SCAF4: variants seen among roughly 807,000 people sequenced by gnomAD.
The protein encoded by SCAF4 is SR-related and CTD-associated factor 4.
A neutral mutation model predicts 129.8 loss-of-function variants in SCAF4; 25 were observed. The ratio of observed to expected loss-of-function variants is 0.19; its 90% confidence interval spans 0.14 to 0.27. The LOEUF (loss-of-function observed/expected upper bound fraction) is 0.27, where lower values mean the gene tolerates loss of function less well. SCAF4 is among the 10% of genes least tolerant of loss of function. SCAF4 has a pLI of 1.00. For synonymous variants in SCAF4, 551 were observed against 497.7 expected (o/e 1.11, Z -1.43); for missense variants, 1,246 against 1,457.1 (o/e 0.86, Z 2.36).
At chr21:31,673,842 C>T (rs561256054) in intron 19 of SCAF4, among the ~76,000 whole-genome samples, 166 of 152,290 alleles carry the variant, frequency 1.1e-3, no homozygotes, top group African/African-American at 3.9e-3. Flanking sequence ...ACTTTACTTT[C>T]CCATTACCTT....
intron 7 of SCAF4, among the ~76,000 whole-genome samples, chr21:31,697,562 G>A (rs1380062222): frequency 1.3e-5 from 2 of 152,142 alleles, no homozygotes; most frequent in African/African-American, 2.4e-5. Context: ...ATCAGGATGC[G>A]GACACTAGTC....
intron 1 of SCAF4, among the ~76,000 whole-genome samples, chr21:31,708,162 C>T (rs556084793): frequency 2.0e-5 from 3 of 152,054 alleles, no homozygotes; most frequent in Non-Finnish European, 2.9e-5. Context: ...CCTAGGTGGG[C>T]GGTTCACCTG....
At chr21:31,692,788 T>A (rs2050290529) in intron 12 of SCAF4, among the ~76,000 whole-genome samples, 1 of 152,186 alleles carries the variant, frequency 6.6e-6, no homozygotes, top group Non-Finnish European at 1.5e-5. Flanking sequence ...GGAGCTCAAG[T>A]CTCTTGATTA....
intron 1 of SCAF4, among the ~76,000 whole-genome samples, chr21:31,715,867 C>T (rs987276928): frequency 2.0e-5 from 3 of 152,176 alleles, no homozygotes; most frequent in Non-Finnish European, 4.4e-5. Context: ...CAATCATATA[C>T]AATACCTTTC....
At chr21:31,710,570 C>G (rs2050776486) in intron 1 of SCAF4, among the ~76,000 whole-genome samples, 1 of 151,860 alleles carries the variant, frequency 6.6e-6, no homozygotes, top group Admixed American at 6.6e-5. Context: ...AACAAACAAA[C>G]AAAAAAACCA....
rs560427432 is a variant in SCAF4, at chr21:31,680,449, A to G, written c.2488+4600T>C. Among the ~76,000 whole-genome samples, 28 of 152,346 alleles carry G rather than the reference A, an allele frequency of 1.8e-4. No homozygotes were observed. The East Asian group carries it at 5.4e-3, about 29-fold the overall frequency. ...CATTTCTACTATATAACACTAGTGG[A>G]ATAACATTAATACAATAATTAGAGT... On this transcript the variant is annotated intron_variant, in intron 19 of 19. Transcript: ENST00000286835.
In SCAF4 at chr21:31,687,160, C is replaced by T. The variant is rs186169359; in HGVS notation, c.2043+1147G>A. On this transcript the variant is annotated intron_variant, in intron 16 of 19. Transcript: ENST00000286835. ...CACTTTCATGATAGCTCAGATTTAT[C>T]TGATTCAGATTTAATGTGAGAAACT... is the stretch of plus-strand genomic sequence containing the variant. Among the ~76,000 whole-genome samples the T allele has an allele frequency of 4.9e-3, 745 of 152,270 alleles. 7 individuals carry two copies. The highest frequency in any genetic ancestry group is 0.017 in the African/African-American group (702 of 41,538).
At chr21:31,695,702 A>T (rs112892298) in intron 9 of SCAF4, among the ~76,000 whole-genome samples, 1 of 152,082 alleles carries the variant, frequency 6.6e-6, no homozygotes, top group Admixed American at 6.5e-5. Flanking sequence ...ACTTCCTGCA[A>T]CTCTCCAGTG....
intron 12 of SCAF4, among the ~76,000 whole-genome samples, chr21:31,692,957 A>T (rs2050294786): frequency 6.6e-6 from 1 of 152,224 alleles, no homozygotes. Context: ...AATCTTAGTC[A>T]TCTTAATAGT....
intron 19 of SCAF4, among the ~76,000 whole-genome samples, chr21:31,673,013 G>A (rs2049750983): frequency 1.3e-5 from 2 of 152,176 alleles, no homozygotes; most frequent in African/African-American, 2.4e-5. Flanking sequence ...TTTAACTTGC[G>A]AGGCCATCAC....
At chr21:31,681,688 A>G (rs1418415289) in intron 19 of SCAF4, among the ~76,000 whole-genome samples, 1 of 152,140 alleles carries the variant, frequency 6.6e-6, no homozygotes, top group African/African-American at 2.4e-5. Context: ...GTAATTTTAT[A>G]TTTTCAGATT....
intron 16 of SCAF4, among the ~76,000 whole-genome samples, chr21:31,687,587 GT>G (rs1464692628): frequency 2.0e-4 from 30 of 152,120 alleles, no homozygotes; most frequent in Non-Finnish European, 3.7e-4. Flanking sequence ...TTATTATGAA[GT>G]TTTCAATCCA....
chr21:31,709,707 T>C (rs577500128), intron 1 of SCAF4, among the ~76,000 whole-genome samples: 1 of 152,298 alleles, frequency 6.6e-6, no homozygotes, highest in South Asian at 2.1e-4. Context: ...TATTACTACA[T>C]TCCATAAAAA....
chr21:31,721,539 T>C (rs1471732162), intron 1 of SCAF4, among the ~76,000 whole-genome samples: 1 of 152,152 alleles, frequency 6.6e-6, no homozygotes, highest in Non-Finnish European at 1.5e-5. Flanking sequence ...CTGGGCATAT[T>C]GCAGAGGGAG....
chr21:31,688,738 C>T (rs74753535), intron 15 of SCAF4, among the ~76,000 whole-genome samples: 2,378 of 152,296 alleles, frequency 0.016, 70 homozygotes, highest in African/African-American at 0.054. Flanking sequence ...ATTCCCATTT[C>T]ACAAATGAGA....
At chr21:31,697,185 A>AT (rs2050408519) in intron 7 of SCAF4, among the ~76,000 whole-genome samples, 1 of 152,198 alleles carries the variant, frequency 6.6e-6, no homozygotes, top group African/African-American at 2.4e-5. Flanking sequence ...AAGTGTCCAT[A>AT]TACTGCTTCC....
chr21:31,728,378 T>A (rs1373947238), intron 1 of SCAF4, among the ~76,000 whole-genome samples: 2 of 152,146 alleles, frequency 1.3e-5, no homozygotes, highest in East Asian at 1.9e-4. Context: ...TAGCTACCTC[T>A]TATTTCCTTA....
At chr21:31,730,941 C>A (rs1252364367) in intron 1 of SCAF4, among the ~76,000 whole-genome samples, 1 of 152,192 alleles carries the variant, frequency 6.6e-6, no homozygotes, top group Non-Finnish European at 1.5e-5. Context: ...CGCCAGCTTT[C>A]TAGCGGACTA....
intron 16 of SCAF4, among the ~76,000 whole-genome samples, chr21:31,687,593 A>T (rs560873829): frequency 6.6e-6 from 1 of 152,318 alleles, no homozygotes; most frequent in Non-Finnish European, 1.5e-5. Context: ...TGAAGTTTTC[A>T]ATCCATTTAA....
Sources: gnomAD v4.1 joint callset for allele counts (sites outside exome capture counted in the v4.1 genomes callset) on GRCh38, gnomAD v4.1.1 for gene constraint, MANE v1.5 for transcripts, NCBI Gene and HGNC (gene_info 2026-07-23, HGNC 2026-07-21) for gene names.